ITGA1: variants seen among roughly 807,000 people sequenced by gnomAD.
ITGA1 encodes integrin alpha-1.
A neutral mutation model predicts 145.9 loss-of-function variants in ITGA1; 85 were observed. The ratio of observed to expected loss-of-function variants is 0.58; its 90% confidence interval spans 0.49 to 0.70. The LOEUF (loss-of-function observed/expected upper bound fraction) is 0.70. Among genes scored for constraint, ITGA1 ranks in the 30% least tolerant of loss-of-function variants. ITGA1 has a pLI of 0.00. For missense variants in ITGA1, 1,351 were observed against 1,418.7 expected (o/e 0.95, Z 0.77); for synonymous variants, 520 against 495.3 (o/e 1.05, Z -0.66).
chr5:52,802,688 T>C (rs1023595397), intron 1 of ITGA1: 3 of 152,204 alleles, frequency 2.0e-5, no homozygotes, highest in African/African-American at 7.2e-5. Flanking sequence ...CTATATTATT[T>C]ATTTATTTTT....
rs1017144435 is a variant in ITGA1 at position 52,892,025 on chromosome 5, G to A, written c.925-1650G>A. On this transcript the variant is annotated intron_variant, in intron 8 of 28. Coordinates refer to ENST00000282588, the MANE Select transcript of ITGA1 (RefSeq NM_181501.2). Reference sequence around the variant, plus strand: ...AATGTAAAACTTCTACTCTTCAGATGACACTGTTGAGAATATGAAAAGACA... The same window carrying A: ...AATGTAAAACTTCTACTCTTCAGATAACACTGTTGAGAATATGAAAAGACA... Among the ~76,000 whole-genome samples the A allele has an allele frequency of 1.3e-5, 2 of 151,654 alleles. 1 individual carries two copies. Among genetic ancestry groups the A allele is most frequent in the Admixed American group, 1.3e-4 (2 of 15,242 alleles).
At chr5:52,819,156 A>G (rs918096852) in intron 1 of ITGA1, among the ~76,000 whole-genome samples, 4 of 152,210 alleles carry the variant, frequency 2.6e-5, no homozygotes, top group African/African-American at 9.6e-5. Context: ...CTTTGGGTAT[A>G]TACCCAGTAA....
chr5:52,939,476 T>C, intron 24 of ITGA1, 114 bp from the exon 25 acceptor site: 1 of 684,010 alleles, frequency 1.5e-6, no homozygotes, highest in Non-Finnish European at 2.5e-6. Context: ...CAAAGATGGA[T>C]CTCTAATATA....
rs536921458 is a variant in ITGA1 at position 52,827,477 on chromosome 5, G to A, written c.62-21888G>A. On this transcript the variant is annotated intron_variant, in intron 1 of 28. Coordinates refer to ENST00000282588, the MANE Select transcript of ITGA1 (RefSeq NM_181501.2). ...ACGATAAAGCAATGTCAGGATTTGA[G>A]GATTGACTCTAATTTTGAAAGAAGT... 7.9e-5 allele frequency among the ~76,000 whole-genome samples: 12 copies of A among 152,248 alleles called. No individual in the cohort carries two copies. In the South Asian group the frequency reaches 8.3e-4, roughly 11 times the overall value.
At chr5:52,951,034 T>A (rs1023139942) in intron 28 of ITGA1, among the ~76,000 whole-genome samples, 2 of 152,182 alleles carry the variant, frequency 1.3e-5, no homozygotes, top group African/African-American at 4.8e-5. Flanking sequence ...CCGCCTTTTC[T>A]TCATCTACCA....
At chr5:52,936,842 G>A (rs868646256) in intron 23 of ITGA1, among the ~76,000 whole-genome samples, 43 of 152,132 alleles carry the variant, frequency 2.8e-4, no homozygotes, top group African/African-American at 9.9e-4. Flanking sequence ...AACAGCCAGT[G>A]TCACGGTAGC....
At chr5:52,929,451 GTATAT>G (rs1308624619) in intron 20 of ITGA1, among the ~76,000 whole-genome samples, 169 bp from the exon 21 acceptor site, 4 of 151,976 alleles carry the variant, frequency 2.6e-5, no homozygotes, top group Non-Finnish European at 4.4e-5. Flanking sequence ...AAAAGAATAT[GTATAT>G]TATATGTTAT....
Position 52,872,045 on chromosome 5 carries a change from A to G in ITGA1, c.624+6228A>G, listed in dbSNP as rs182032255. Among the ~76,000 whole-genome samples, 15 of 152,340 alleles carry G rather than the reference A, an allele frequency of 9.8e-5. No homozygotes were observed. In the East Asian group the frequency reaches 2.9e-3, roughly 29 times the overall value. ...CCCTAAATAAAACCAGTAAATTGTG[A>G]GGCTTGATATAAAAGTGAAATATAC... On this transcript the variant is annotated intron_variant, in intron 6 of 28. Transcript: ENST00000282588.
At chr5:52,834,786 A>G (rs902044628) in intron 1 of ITGA1, among the ~76,000 whole-genome samples, 3 of 152,074 alleles carry the variant, frequency 2.0e-5, no homozygotes, top group Non-Finnish European at 4.4e-5. Flanking sequence ...CTATCAGATT[A>G]GGGCCCCAGT....
At chr5:52,820,332 T>C (rs1339290718) in intron 1 of ITGA1, among the ~76,000 whole-genome samples, 2 of 121,292 alleles carry the variant, frequency 1.6e-5, no homozygotes, top group Non-Finnish European at 3.2e-5. Context: ...ATGAGAACAC[T>C]TGGACACAGG....
At chr5:52,901,698 G>A (rs545106885) in intron 11 of ITGA1, 3 of 152,224 alleles carry the variant, frequency 2.0e-5, no homozygotes, top group South Asian at 2.1e-4. Flanking sequence ...TTGGTTAAAC[G>A]TTGCTTAAAG....
At chr5:52,843,003 T>C (rs1749280626) in intron 1 of ITGA1, among the ~76,000 whole-genome samples, 1 of 152,130 alleles carries the variant, frequency 6.6e-6, no homozygotes. Flanking sequence ...AGCATCATCT[T>C]TTTATGACTG....
chr5:52,870,525 G>C (rs1274683813), intron 6 of ITGA1, among the ~76,000 whole-genome samples: 2 of 152,200 alleles, frequency 1.3e-5, no homozygotes, highest in African/African-American at 4.8e-5. Context: ...ACACATCTTA[G>C]TATGTGTATA....
At chr5:52,881,827 A>G in intron 6 of ITGA1, 46 bp from the exon 7 acceptor site, 3 of 1,555,886 alleles carry the variant, frequency 1.9e-6, no homozygotes, top group Middle Eastern at 1.7e-4. Context: ...AAATCTGAAC[A>G]GGAAATTTGG....
chr5:52,855,140 G>A (rs1036324974), intron 2 of ITGA1, among the ~76,000 whole-genome samples: 4 of 152,176 alleles, frequency 2.6e-5, no homozygotes, highest in Non-Finnish European at 4.4e-5. Context: ...AGGAAACTGA[G>A]ACAGAGAATG....
At chr5:52,828,018 G>T (rs1308936812) in intron 1 of ITGA1, among the ~76,000 whole-genome samples, 3 of 152,074 alleles carry the variant, frequency 2.0e-5, no homozygotes, top group Non-Finnish European at 4.4e-5. Context: ...CTATTGTATG[G>T]ATATACCACA....
At chr5:52,793,694 A>T (rs1748285478) in intron 1 of ITGA1, among the ~76,000 whole-genome samples, 1 of 152,022 alleles carries the variant, frequency 6.6e-6, no homozygotes, top group South Asian at 2.1e-4. Flanking sequence ...GAGATATAAC[A>T]TTGTTCCTCT....
intron 1 of ITGA1, among the ~76,000 whole-genome samples, chr5:52,826,139 A>G (rs906707573): frequency 3.3e-5 from 5 of 152,186 alleles, no homozygotes. Context: ...CTTGAAGAAA[A>G]TTAAGTGCTA....
At chr5:52,911,160 GTA>G (rs1750516034) in intron 14 of ITGA1, among the ~76,000 whole-genome samples, 1 of 135,450 alleles carries the variant, frequency 7.4e-6, no homozygotes, top group South Asian at 2.3e-4. Context: ...TATATATAGT[GTA>G]TATAGAGTAC....
Sources: gnomAD v4.1 joint callset for allele counts (sites outside exome capture counted in the v4.1 genomes callset) on GRCh38, gnomAD v4.1.1 for gene constraint, MANE v1.5 for transcripts, NCBI Gene and HGNC (gene_info 2026-07-23, HGNC 2026-07-21) for gene names.